The following NCOA3 variants were observed in gnomAD, a reference collection of about 807,000 sequenced individuals.
NCOA3 encodes CBP-interacting protein.
A neutral mutation model predicts 158.8 loss-of-function variants in NCOA3; 51 were observed. The ratio of observed to expected loss-of-function variants is 0.32; its 90% CI spans 0.26 to 0.41. The LOEUF (loss-of-function observed/expected upper bound fraction) is 0.41. Ranked by LOEUF, NCOA3 falls within the 10% of genes least tolerant of loss-of-function variation. NCOA3 has a pLI of 1.00. For missense variants in NCOA3, 1,510 were observed against 1,746.6 expected (o/e 0.86, Z 2.41); for synonymous variants, 537 against 592.4 (o/e 0.91, Z 1.36).
chr20:47,594,395 G>T (rs908114242), intron 2 of NCOA3, among the ~76,000 whole-genome samples: 2 of 152,100 alleles, frequency 1.3e-5, no homozygotes, highest in African/African-American at 4.8e-5. Flanking sequence ...AGGTGCAGTG[G>T]CTCATGCCTG....
At chr20:47,650,932 T>G in intron 19 of NCOA3, 50 bp from the exon 20 acceptor site, 2 of 1,549,924 alleles carry the variant, frequency 1.3e-6, no homozygotes, top group East Asian at 2.3e-5. Flanking sequence ...TGTATGCAAC[T>G]GGCAGGTTCT....
chr20:47,510,170 C>T (rs1183307426), intron 1 of NCOA3, among the ~76,000 whole-genome samples: 13 of 151,938 alleles, frequency 8.6e-5, no homozygotes, highest in East Asian at 7.7e-4. Context: ...TGGTGGTTCA[C>T]GCCTGTAATC....
At position 47,649,119 on chromosome 20, in the gene NCOA3, A is replaced by G. The variant is rs1039569688; in HGVS notation, c.3651+10A>G. 2.5e-6 allele frequency: 4 copies of G among 1,590,884 alleles called. No homozygotes were observed. The Admixed American group carries it at 6.8e-5, about 27-fold the overall frequency. On this transcript the variant is annotated intron_variant, in intron 19 of 22. Transcript: ENST00000371998. ...CCAGGTGAGCTCCCAGGTGAGGATG[A>G]TAAGCCTCTCCACATGCATTGCTCT...
At chr20:47,618,789 A>C (rs899154587) in intron 2 of NCOA3, among the ~76,000 whole-genome samples, 6 of 152,244 alleles carry the variant, frequency 3.9e-5, no homozygotes, top group African/African-American at 1.4e-4. Flanking sequence ...GTGTCTATGG[A>C]CATAGCTCGA....
At chr20:47,593,475 G>A (rs1053137418) in intron 2 of NCOA3, among the ~76,000 whole-genome samples, 1 of 150,174 alleles carries the variant, frequency 6.7e-6, no homozygotes, top group Non-Finnish European at 1.5e-5. Context: ...CGGAGTAGCT[G>A]CGACTACAGG....
chr20:47,507,068 G>A (rs949284106), intron 1 of NCOA3, among the ~76,000 whole-genome samples: 5 of 152,162 alleles, frequency 3.3e-5, no homozygotes, highest in Non-Finnish European at 5.9e-5. Flanking sequence ...CTGAGTTGGC[G>A]TGGTAGATGG....
intron 1 of NCOA3, among the ~76,000 whole-genome samples, chr20:47,526,066 G>A (rs1315786269): frequency 6.7e-6 from 1 of 149,538 alleles, no homozygotes; most frequent in African/African-American, 2.5e-5. Flanking sequence ...CAGGCAGAGG[G>A]TCTCCTCACT....
In NCOA3 at chr20:47,502,970, T is replaced by A. The variant is rs531726988; in HGVS notation, c.-99+951T>A. On this transcript the variant is annotated intron_variant, in intron 1 of 22. Coordinates refer to ENST00000371998, the MANE Select transcript of NCOA3 (RefSeq NM_181659.3). ...GATTCTCTCGAAGTCGAAACTTTTT[T>A]CCCCCTCCCGAATGCGAAGACTTCC... Among the ~76,000 whole-genome samples the A allele has an allele frequency of 5.0e-4, 76 of 152,204 alleles. 3 individuals carry two copies. In the South Asian group the frequency reaches 0.016, roughly 31 times the overall value.
At chr20:47,541,148 G>C (rs766539527) in intron 1 of NCOA3, among the ~76,000 whole-genome samples, 13 of 151,722 alleles carry the variant, frequency 8.6e-5, no homozygotes, top group Non-Finnish European at 1.9e-4. Context: ...AAAAAAAAGA[G>C]GAACTCCCTG....
At chr20:47,623,575 G>A (rs2086274366) in intron 3 of NCOA3, among the ~76,000 whole-genome samples, 1 of 151,914 alleles carries the variant, frequency 6.6e-6, no homozygotes, top group Admixed American at 6.6e-5. Flanking sequence ...ATTACCTGAG[G>A]TCAGGAGTTC....
intron 1 of NCOA3, among the ~76,000 whole-genome samples, chr20:47,578,665 C>A (rs1407213730): frequency 6.6e-6 from 1 of 152,194 alleles, no homozygotes; most frequent in African/African-American, 2.4e-5. Flanking sequence ...TGGATTTTGA[C>A]GTTAAATTTA....
chr20:47,549,048 T>A (rs1002315661), intron 1 of NCOA3, among the ~76,000 whole-genome samples: 9 of 152,174 alleles, frequency 5.9e-5, no homozygotes, highest in Non-Finnish European at 1.2e-4. Flanking sequence ...AAACATTTTT[T>A]AAATTTTTTG....
At position 47,534,799 on chromosome 20, in the gene NCOA3, C is replaced by T. The variant is rs147868601; in HGVS notation, c.-99+32780C>T. ...GGTGTGGTGGCGTGCACCTGTAGTC[C>T]CAGCTGTTGGGTGGCTGAGGTGGGA... On this transcript the variant is annotated intron_variant, in intron 1 of 22. Coordinates refer to ENST00000371998, the MANE Select transcript of NCOA3 (RefSeq NM_181659.3). Among the ~76,000 whole-genome samples the T allele has an allele frequency of 9.9e-3, 1,512 of 152,082 alleles. 10 individuals are homozygous for T. Among genetic ancestry groups the T allele is most frequent in the Non-Finnish European group, 0.017 (1,162 of 68,002 alleles).
chr20:47,511,524 GAT>G (rs34123990), intron 1 of NCOA3, among the ~76,000 whole-genome samples: 1,610 of 21,966 alleles, frequency 0.073, 94 homozygotes, highest in East Asian at 0.25. Flanking sequence ...TCTCTCTCGA[GAT>G]ATATATATAT....
chr20:47,526,606 C>A (rs1424818931), intron 1 of NCOA3, among the ~76,000 whole-genome samples: 1 of 152,166 alleles, frequency 6.6e-6, no homozygotes, highest in Non-Finnish European at 1.5e-5. Context: ...CAAAAAAATA[C>A]GAAAACCAGT....
At chr20:47,585,993 TC>T (rs1394374462) in intron 2 of NCOA3, among the ~76,000 whole-genome samples, 5 of 151,800 alleles carry the variant, frequency 3.3e-5, no homozygotes, top group Admixed American at 2.6e-4. Flanking sequence ...CGATCTTGTT[TC>T]ACTGCAACCT....
intron 1 of NCOA3, among the ~76,000 whole-genome samples, chr20:47,519,252 T>C (rs940499434): frequency 1.3e-5 from 2 of 151,620 alleles, no homozygotes; most frequent in Non-Finnish European, 2.9e-5. Flanking sequence ...CTGGCTAACA[T>C]GGTGAAATGC....
intron 1 of NCOA3, among the ~76,000 whole-genome samples, chr20:47,578,556 A>G (rs960707238): frequency 3.9e-5 from 6 of 152,220 alleles, no homozygotes; most frequent in African/African-American, 1.4e-4. Context: ...CATTATAGCT[A>G]CAGATTAGCT....
intron 1 of NCOA3, among the ~76,000 whole-genome samples, chr20:47,536,754 A>T (rs2084639706): frequency 6.6e-6 from 1 of 150,436 alleles, no homozygotes; most frequent in African/African-American, 2.4e-5. Flanking sequence ...GCCTCCTAAA[A>T]TGCTGGGATT....
Sources: gnomAD v4.1 joint callset for allele counts (sites outside exome capture counted in the v4.1 genomes callset) on GRCh38, gnomAD v4.1.1 for gene constraint, MANE v1.5 for transcripts, NCBI Gene and HGNC (gene_info 2026-07-23, HGNC 2026-07-21) for gene names.